WLS: variants seen among roughly 807,000 people sequenced by gnomAD.
WLS encodes the protein protein wntless homolog.
WLS carries 23 observed loss-of-function variants against 62.8 expected under a neutral mutation model. That is an observed-to-expected ratio of 0.37 (90% CI 0.26 to 0.52). WLS has a LOEUF of 0.52. WLS is among the 20% of genes least tolerant of loss of function. The pLI is 0.92. For synonymous variants in WLS, 246 were observed against 244.1 expected (o/e 1.01, Z -0.07); for missense variants, 615 against 697.3 (o/e 0.88, Z 1.33).
intron 1 of WLS, among the ~76,000 whole-genome samples, chr1:68,201,350 A>C (rs1649006523): frequency 6.6e-6 from 1 of 152,248 alleles, no homozygotes. Flanking sequence ...TATTTGCATT[A>C]AATTGACTTA....
intron 11 of WLS, among the ~76,000 whole-genome samples, chr1:68,101,678 A>G (rs1646080266): frequency 6.6e-6 from 1 of 152,196 alleles, no homozygotes; most frequent in South Asian, 2.1e-4. Flanking sequence ...TGCTTACTAA[A>G]TGAGGAACTC....
At chr1:68,127,545 T>C (rs916593200) in intron 11 of WLS, among the ~76,000 whole-genome samples, 6 of 149,024 alleles carry the variant, frequency 4.0e-5, no homozygotes, top group Non-Finnish European at 8.9e-5. Context: ...AAAGGGAAAA[T>C]GGAAAACGCA....
At chr1:68,215,498 A>T (rs1331988535) in intron 1 of WLS, among the ~76,000 whole-genome samples, 1 of 152,240 alleles carries the variant, frequency 6.6e-6, no homozygotes, top group Admixed American at 6.5e-5. Flanking sequence ...GATTTGGCTA[A>T]TGGGTGATAT....
intron 1 of WLS, among the ~76,000 whole-genome samples, chr1:68,217,187 T>G (rs1297211116): frequency 2.0e-5 from 3 of 152,216 alleles, no homozygotes; most frequent in Non-Finnish European, 2.9e-5. Context: ...AATTAACTAC[T>G]GACCCTTACT....
chr1:68,102,719 A>T (rs1462292109), intron 11 of WLS: 1 of 152,216 alleles, frequency 6.6e-6, no homozygotes, highest in Non-Finnish European at 1.5e-5. Context: ...CAAGCATCTT[A>T]TTATACAGGT....
At chr1:68,216,086 T>C (rs550643523) in intron 1 of WLS, among the ~76,000 whole-genome samples, 7 of 152,344 alleles carry the variant, frequency 4.6e-5, no homozygotes, top group Admixed American at 3.3e-4. Context: ...GTCATTTACT[T>C]GTCCTGGAAG....
intron 9 of WLS, 99 bp from the exon 10 acceptor site, chr1:68,144,751 A>T: frequency 2.1e-6 from 2 of 932,272 alleles, no homozygotes; most frequent in Non-Finnish European, 3.2e-6. Flanking sequence ...AAATCTGTAA[A>T]ACCAAATCCC....
At chr1:68,136,069 C>T (rs1646605433) in intron 11 of WLS, among the ~76,000 whole-genome samples, 1 of 152,282 alleles carries the variant, frequency 6.6e-6, no homozygotes, top group Admixed American at 6.5e-5. Flanking sequence ...GTGAGGGAAA[C>T]TCATGTCCAG....
chr1:68,205,066 C>T (rs978661553), intron 1 of WLS, among the ~76,000 whole-genome samples: 4 of 152,190 alleles, frequency 2.6e-5, no homozygotes, highest in African/African-American at 9.7e-5. Flanking sequence ...CAAATGCCTA[C>T]TAAGCATCAT....
chr1:68,141,943 C>T (rs1365756679), intron 10 of WLS, among the ~76,000 whole-genome samples: 1 of 152,170 alleles, frequency 6.6e-6, no homozygotes, highest in East Asian at 1.9e-4. Flanking sequence ...CATTGCTACC[C>T]CCTTAGAGTT....
chr1:68,107,762 C>A (rs1646167432), intron 11 of WLS, among the ~76,000 whole-genome samples: 1 of 152,138 alleles, frequency 6.6e-6, no homozygotes, highest in African/African-American at 2.4e-5. Flanking sequence ...TTATTACCCA[C>A]ATGTTACACA....
At chr1:68,151,682 C>T (rs1358090847) in intron 5 of WLS, among the ~76,000 whole-genome samples, 1 of 152,022 alleles carries the variant, frequency 6.6e-6, no homozygotes, top group Non-Finnish European at 1.5e-5. Context: ...AAGAGATCAG[C>T]AGGTGTGAAG....
At chr1:68,175,188 T>G (rs1251349019) in intron 2 of WLS, among the ~76,000 whole-genome samples, 1 of 152,232 alleles carries the variant, frequency 6.6e-6, no homozygotes, top group Non-Finnish European at 1.5e-5. Context: ...AATGAAGTAT[T>G]TTTAAAAGAA....
intron 2 of WLS, chr1:68,183,650 A>C: frequency 4.8e-6 from 2 of 420,024 alleles, no homozygotes; most frequent in South Asian, 3.7e-5. Flanking sequence ...AAATTCAGAG[A>C]ATTGTTTATG....
rs764307335 is a variant in WLS at position 68,098,695 on chromosome 1, A to T, written c.1569T>A (p.Tyr523Ter). The T allele has an allele frequency of 1.9e-6, 3 of 1,613,928 alleles. No homozygotes were observed. Among genetic ancestry groups the T allele is most frequent in the Non-Finnish European group, 2.5e-6 (3 of 1,179,946 alleles). The change falls in exon 12 of 12, where the codon TAT becomes TAA. Residue 523 changes from tyrosine to a stop codon, truncating the protein, a stop_gained. Transcript: ENST00000354777. LOFTEE classifies it low-confidence loss of function (END_TRUNC). ...ATTTCGAAGCGCTGAACAATTCTTG[A>T]TAAAGTTCCGAAACAAACAAAGCAC...
downstream of WLS, among the ~76,000 whole-genome samples, chr1:68,122,410 G>A (rs777948823): frequency 2.6e-5 from 4 of 152,198 alleles, no homozygotes; most frequent in African/African-American, 7.2e-5. Context: ...GCAGTCACAC[G>A]TGGAATCACT....
At chr1:68,199,043 C>T (rs1016157992) in intron 1 of WLS, among the ~76,000 whole-genome samples, 1 of 144,250 alleles carries the variant, frequency 6.9e-6, no homozygotes, top group Admixed American at 7.1e-5. Flanking sequence ...CTATTCCTTC[C>T]AGAACCTGTA....
chr1:68,230,368 CA>C (rs1418120049), intron 1 of WLS, among the ~76,000 whole-genome samples: 2 of 152,104 alleles, frequency 1.3e-5, no homozygotes, highest in Non-Finnish European at 2.9e-5. Flanking sequence ...TGAAATCACA[CA>C]AGATCCAATG....
chr1:68,134,287 AGAG>A (rs1351523991), intron 11 of WLS, among the ~76,000 whole-genome samples: 1 of 152,176 alleles, frequency 6.6e-6, no homozygotes, highest in Non-Finnish European at 1.5e-5. Flanking sequence ...GAAACAAAAT[AGAG>A]AAGAAAAATA....
Sources: gnomAD v4.1 joint callset for allele counts (sites outside exome capture counted in the v4.1 genomes callset) on GRCh38, gnomAD v4.1.1 for gene constraint, MANE v1.5 for transcripts, NCBI Gene and HGNC (gene_info 2026-07-23, HGNC 2026-07-21) for gene names.